Variants in SOCS5 observed in about 807,000 individuals in gnomAD.
The protein encoded by SOCS5 is CIS-6.
SOCS5 carries 32 observed loss-of-function variants against 42.8 expected under a neutral mutation model. The observed-to-expected ratio is 0.75, with a 90% CI of 0.56 to 1.01. The LOEUF (loss-of-function observed/expected upper bound fraction) is 1.01, where lower values mean the gene tolerates loss of function less well. SOCS5 is among the 50% of genes least tolerant of loss of function. The pLI is 0.00. For missense variants in SOCS5, 627 were observed against 653.0 expected (o/e 0.96, Z 0.43); for synonymous variants, 283 against 229.6 (o/e 1.23, Z -2.10).
intron 1 of SOCS5, among the ~76,000 whole-genome samples, chr2:46,718,230 T>TAA (rs1672793818): frequency 6.6e-6 from 1 of 152,208 alleles, no homozygotes; most frequent in African/African-American, 2.4e-5. Flanking sequence ...GAAAATAATA[T>TAA]TTCATGTATA....
intron 1 of SOCS5, among the ~76,000 whole-genome samples, chr2:46,750,355 C>CT (rs903091081): frequency 2.6e-5 from 4 of 151,154 alleles, no homozygotes; most frequent in African/African-American, 9.7e-5. Flanking sequence ...TAAATACTTA[C>CT]TTTTTTTTTA....
At chr2:46,715,837 A>G (rs1378725277) in intron 1 of SOCS5, among the ~76,000 whole-genome samples, 1 of 152,078 alleles carries the variant, frequency 6.6e-6, no homozygotes, top group Non-Finnish European at 1.5e-5. Flanking sequence ...TATTCATCAC[A>G]TTTGTAAAAT....
At chr2:46,722,367 C>T (rs1672903877) in intron 1 of SOCS5, among the ~76,000 whole-genome samples, 1 of 152,044 alleles carries the variant, frequency 6.6e-6, no homozygotes, top group African/African-American at 2.4e-5. Flanking sequence ...CCAGAGTCTG[C>T]TTTTTCAATT....
At chr2:46,747,791 G>C (rs947672603) in intron 1 of SOCS5, among the ~76,000 whole-genome samples, 2 of 152,122 alleles carry the variant, frequency 1.3e-5, no homozygotes, top group African/African-American at 4.8e-5. Flanking sequence ...TAGAGAAAGA[G>C]CTTTAAATAT....
rs1673804096 is a variant in SOCS5 at position 46,759,256 on chromosome 2, A to G, written c.726A>G (p.Pro242=). 1.9e-6 allele frequency: 3 copies of G among 1,613,910 alleles called. No individual in the cohort carries two copies. Among genetic ancestry groups the G allele is most frequent in the African/African-American group, 2.7e-5 (2 of 74,942 alleles). ...LIKQHTAPVS[P]HSTFFDTFDP... The stretch of plus-strand genomic sequence containing the variant: ...AACAGCATACAGCTCCTGTGAGCCC[A>G]CATTCAACATTTTTTGATACATTTG... Residue 242 remains proline (P), a synonymous_variant, in exon 2 of 2, where the codon CCA becomes CCG. Coordinates refer to ENST00000394861, the MANE Select transcript of SOCS5 (RefSeq NM_144949.3).
In SOCS5 at chr2:46,724,774, G is replaced by A. The variant is rs148737281; in HGVS notation, c.-13+25325G>A. Among the ~76,000 whole-genome samples the A allele has an allele frequency of 7.9e-5, 12 of 151,812 alleles. No individual in the cohort carries two copies. The East Asian group carries it at 2.1e-3, about 27-fold the overall frequency. ...TAAATTTGTTAAGATTTGTTTTATG[G>A]CCTAGGATGTGATCTGTCTTGGTGA... On this transcript the variant is annotated intron_variant, in intron 1 of 1. Coordinates refer to ENST00000394861, the MANE Select transcript of SOCS5 (RefSeq NM_144949.3).
chr2:46,738,100 G>T (rs1673293413), intron 1 of SOCS5, among the ~76,000 whole-genome samples: 2 of 152,150 alleles, frequency 1.3e-5, no homozygotes, highest in African/African-American at 4.8e-5. Context: ...GAATGGTAGA[G>T]GGCCAACTAA....
At chr2:46,747,278 T>C (rs1183862936) in intron 1 of SOCS5, among the ~76,000 whole-genome samples, 1 of 152,158 alleles carries the variant, frequency 6.6e-6, no homozygotes, top group East Asian at 1.9e-4. Flanking sequence ...TGGAGTGTGA[T>C]AGTGCAGTCA....
intron 1 of SOCS5, among the ~76,000 whole-genome samples, chr2:46,752,319 C>A (rs1673640987): frequency 6.6e-6 from 1 of 152,032 alleles, no homozygotes; most frequent in Admixed American, 6.6e-5. Context: ...TAACTAATGC[C>A]TGATGATATA....
At chr2:46,715,270 C>CT (rs1406797993) in intron 1 of SOCS5, among the ~76,000 whole-genome samples, 1 of 151,032 alleles carries the variant, frequency 6.6e-6, no homozygotes, top group Non-Finnish European at 1.5e-5. Context: ...ACTCTGGAAG[C>CT]TTAGGTGGGA....
chr2:46,700,354 T>A (rs1375456055), intron 1 of SOCS5, among the ~76,000 whole-genome samples: 1 of 152,198 alleles, frequency 6.6e-6, no homozygotes, highest in Non-Finnish European at 1.5e-5. Context: ...GTCACAAGTT[T>A]TTCTGGAAAT....
intron 1 of SOCS5, among the ~76,000 whole-genome samples, chr2:46,716,203 G>A (rs1672739224): frequency 6.9e-6 from 1 of 145,368 alleles, no homozygotes; most frequent in South Asian, 2.3e-4. Context: ...TTGTGTTGAT[G>A]TTTTTCTTTA....
chr2:46,707,760 A>G (rs1672529183), intron 1 of SOCS5, among the ~76,000 whole-genome samples: 1 of 152,218 alleles, frequency 6.6e-6, no homozygotes, highest in South Asian at 2.1e-4. Flanking sequence ...TACTGAGCAA[A>G]TACAAATGCT....
chr2:46,753,900 T>C (rs13426735), intron 1 of SOCS5, among the ~76,000 whole-genome samples: 13,208 of 152,226 alleles, frequency 0.087, 692 homozygotes, highest in Middle Eastern at 0.25. Flanking sequence ...ATAATTAATG[T>C]ATAATGAGCA....
chr2:46,730,477 G>A (rs1008978711), intron 1 of SOCS5, among the ~76,000 whole-genome samples: 1 of 152,130 alleles, frequency 6.6e-6, no homozygotes, highest in Non-Finnish European at 1.5e-5. Context: ...GTGGGCGCCT[G>A]TAATCCCAGC....
chr2:46,760,809 T>C lies in SOCS5; in HGVS notation c.*668T>C, dbSNP rs1348856540. On this transcript the variant is annotated 3_prime_UTR_variant, in exon 2 of 2. Coordinates refer to ENST00000394861, the MANE Select transcript of SOCS5 (RefSeq NM_144949.3). ...AGTAGTAGAATTTTATTGAAAGGCC[T>C]AGGTATTAATTTTTTAAATGAGTGC... 2 of 167,128 alleles carry C rather than the reference T, an allele frequency of 1.2e-5. No homozygotes were observed. The highest frequency in any genetic ancestry group is 2.9e-5 in the Non-Finnish European group (2 of 68,130). 10.4% of individuals were successfully genotyped at this position (167,128 alleles called of 1,614,324 possible).
At chr2:46,705,180 C>G (rs190103154) in intron 1 of SOCS5, among the ~76,000 whole-genome samples, 1 of 152,318 alleles carries the variant, frequency 6.6e-6, no homozygotes, top group African/African-American at 2.4e-5. Context: ...GTTCTGTGAG[C>G]TGCTCTAGCA....
chr2:46,707,896 T>C (rs932421373), intron 1 of SOCS5, among the ~76,000 whole-genome samples: 1 of 152,230 alleles, frequency 6.6e-6, no homozygotes, highest in African/African-American at 2.4e-5. Context: ...ACCTTAAATG[T>C]GCTCAGAGCA....
intron 1 of SOCS5, among the ~76,000 whole-genome samples, chr2:46,714,385 C>T (rs182427273): frequency 1.3e-5 from 2 of 152,370 alleles, no homozygotes; most frequent in East Asian, 3.9e-4. Context: ...CCTCTGTCAT[C>T]ATGAAATGGT....
Sources: gnomAD v4.1 joint callset for allele counts (sites outside exome capture counted in the v4.1 genomes callset) on GRCh38, gnomAD v4.1.1 for gene constraint, MANE v1.5 for transcripts, NCBI Gene and HGNC (gene_info 2026-07-23, HGNC 2026-07-21) for gene names.